The following SKIC3 variants were observed in gnomAD, a reference collection of about 807,000 sequenced individuals.
The protein encoded by SKIC3 is superkiller complex protein 3.
chr5:95,550,902 G>T, the SKIC3 span: 1 of 152,074 alleles, frequency 6.6e-6, no homozygotes, highest in Admixed American at 6.6e-5. Context: ...CAAGAGATCA[G>T]AAGGATTTTG....
At chr5:95,494,613 C>G in the SKIC3 span, 542 of 1,465,510 alleles carry the variant, frequency 3.7e-4, 3 homozygotes, top group Middle Eastern at 7.1e-3. Context: ...CAAGATTTTT[C>G]CCCCACTTAC....
At chr5:95,478,314 T>A in the SKIC3 span, 1 of 1,613,934 alleles carries the variant, frequency 6.2e-7, no homozygotes, top group South Asian at 1.1e-5. Context: ...ATGCAAGTAG[T>A]GCTAGTCTCA....
At chr5:95,552,314 C>T in the SKIC3 span, among the ~76,000 whole-genome samples, 4 of 152,188 alleles carry the variant, frequency 2.6e-5, no homozygotes, top group African/African-American at 9.7e-5. Context: ...TCCAAACCTC[C>T]AAACTGAGCT....
At chr5:95,507,015 A>T in the SKIC3 span, 1 of 870,120 alleles carries the variant, frequency 1.1e-6, no homozygotes, top group African/African-American at 1.8e-5. Flanking sequence ...AATTGCCCTT[A>T]AAAAAAAAAA....
the SKIC3 span, among the ~76,000 whole-genome samples, chr5:95,533,382 T>A: frequency 6.6e-6 from 1 of 152,140 alleles, no homozygotes; most frequent in African/African-American, 2.4e-5. Context: ...CGGCTCAGAC[T>A]TCAGAGACCT....
chr5:95,520,930 C>CT, the SKIC3 span: 20 of 770,520 alleles, frequency 2.6e-5, no homozygotes, highest in Non-Finnish European at 4.2e-5. Flanking sequence ...GAAAATAAAA[C>CT]TTAACGGTGT....
chr5:95,492,353 C>G, the SKIC3 span, among the ~76,000 whole-genome samples: 1 of 150,014 alleles, frequency 6.7e-6, no homozygotes, highest in Non-Finnish European at 1.5e-5. Flanking sequence ...AACAAGACAA[C>G]TGGCCGGGCG....
At chr5:95,551,316 A>G in the SKIC3 span, among the ~76,000 whole-genome samples, 8 of 152,150 alleles carry the variant, frequency 5.3e-5, no homozygotes, top group African/African-American at 1.9e-4. Context: ...GTGGTTTTGA[A>G]AAACTGAATA....
chr5:95,522,424 T>G, the SKIC3 span: 5 of 1,257,112 alleles, frequency 4.0e-6, no homozygotes, highest in South Asian at 1.5e-5. Context: ...CTTCTACTTA[T>G]AAAAGTGCTA....
the SKIC3 span, chr5:95,513,708 A>C: frequency 1.3e-6 from 2 of 1,494,730 alleles, no homozygotes; most frequent in Non-Finnish European, 1.9e-6. Context: ...ATAATACAAA[A>C]TGAAACTGTC....
the SKIC3 span, chr5:95,495,053 A>T: frequency 3.1e-6 from 5 of 1,605,408 alleles, no homozygotes; most frequent in Non-Finnish European, 4.3e-6. Context: ...ATACAAATGC[A>T]GAAACTTTCA....
At chr5:95,537,877 G>GA in the SKIC3 span, among the ~76,000 whole-genome samples, 1 of 152,072 alleles carries the variant, frequency 6.6e-6, no homozygotes, top group Non-Finnish European at 1.5e-5. Context: ...ATTTTCTTTG[G>GA]AAAGTATGGT....
At chr5:95,491,958 C>T in the SKIC3 span, among the ~76,000 whole-genome samples, 2 of 151,878 alleles carry the variant, frequency 1.3e-5, no homozygotes, top group Admixed American at 6.6e-5. Flanking sequence ...ACCACCCCAC[C>T]CAATATATGT....
At chr5:95,473,099 T>C in the SKIC3 span, among the ~76,000 whole-genome samples, 6 of 152,188 alleles carry the variant, frequency 3.9e-5, no homozygotes, top group African/African-American at 1.4e-4. Flanking sequence ...GGTATGATGA[T>C]CTATTTTCCT....
the SKIC3 span, chr5:95,468,063 C>A: frequency 6.4e-7 from 1 of 1,564,850 alleles, no homozygotes; most frequent in Admixed American, 1.7e-5. Context: ...TAATCTCACA[C>A]ACACATTATC....
the SKIC3 span, among the ~76,000 whole-genome samples, chr5:95,505,665 T>C: frequency 6.6e-6 from 1 of 151,882 alleles, no homozygotes; most frequent in Non-Finnish European, 1.5e-5. Flanking sequence ...TACAAAAAAT[T>C]AGCTGGGCGT....
At chr5:95,510,380 T>A in the SKIC3 span, among the ~76,000 whole-genome samples, 2 of 152,338 alleles carry the variant, frequency 1.3e-5, no homozygotes, top group African/African-American at 2.4e-5. Context: ...ACAAACCCCC[T>A]TCTTGCCTAG....
At chr5:95,482,068 A>G in the SKIC3 span, among the ~76,000 whole-genome samples, 1 of 152,202 alleles carries the variant, frequency 6.6e-6, no homozygotes, top group Non-Finnish European at 1.5e-5. Flanking sequence ...AATCCTGAAA[A>G]TAATTATTTC....
the SKIC3 span, among the ~76,000 whole-genome samples, chr5:95,496,943 A>G: frequency 6.6e-6 from 1 of 152,214 alleles, no homozygotes; most frequent in Non-Finnish European, 1.5e-5. Flanking sequence ...AAACTAAAAT[A>G]TAGTATATAA....
Sources: allele counts gnomAD v4.1 joint callset (sites outside exome capture counted in the v4.1 genomes callset), GRCh38; gene constraint gnomAD v4.1.1; transcripts MANE v1.5; gene names NCBI Gene and HGNC (gene_info 2026-07-23, HGNC 2026-07-21).